HTR1F: variants seen among roughly 807,000 people sequenced by gnomAD.
HTR1F encodes 5-hydroxytryptamine receptor 1F.
In HTR1F, 17 loss-of-function variants were observed where a neutral mutation model predicts 24.0. The ratio of observed to expected loss-of-function variants is 0.71; its 90% confidence interval spans 0.48 to 1.06. The LOEUF (loss-of-function observed/expected upper bound fraction) is 1.06. HTR1F is among the 50% of genes least tolerant of loss of function. HTR1F has a pLI of 0.00. For synonymous variants in HTR1F, 186 were observed against 156.8 expected (o/e 1.19, Z -1.39); for missense variants, 391 against 427.8 (o/e 0.91, Z 0.76).
intron 2 of HTR1F, among the ~76,000 whole-genome samples, chr3:87,871,940 C>A (rs1705567484): frequency 6.6e-6 from 1 of 152,018 alleles, no homozygotes; most frequent in Admixed American, 6.6e-5. Context: ...ATATTCTACC[C>A]AACAACAGTG....
intron 2 of HTR1F, among the ~76,000 whole-genome samples, chr3:87,931,003 A>C (rs1704250454): frequency 6.7e-6 from 1 of 149,040 alleles, no homozygotes; most frequent in African/African-American, 2.5e-5. Flanking sequence ...TTTCAACAAC[A>C]GCATACTGTG....
intron 2 of HTR1F, among the ~76,000 whole-genome samples, chr3:87,855,446 A>G (rs956285342): frequency 6.6e-6 from 1 of 152,112 alleles, no homozygotes; most frequent in Non-Finnish European, 1.5e-5. Context: ...TCTCCAAAAC[A>G]GAGGGTGAAA....
intron 2 of HTR1F, among the ~76,000 whole-genome samples, chr3:87,974,430 T>G (rs751069689): frequency 6.6e-6 from 1 of 152,202 alleles, no homozygotes; most frequent in Non-Finnish European, 1.5e-5. Flanking sequence ...GTTATTAAAT[T>G]TACTGCTTGT....
At chr3:87,798,340 C>T (rs540288821) in intron 1 of HTR1F, among the ~76,000 whole-genome samples, 72 of 152,210 alleles carry the variant, frequency 4.7e-4, no homozygotes, top group African/African-American at 1.6e-3. Context: ...TCAAGCTGAC[C>T]ACCCTCTCTG....
chr3:87,953,948 T>C (rs979897013), intron 2 of HTR1F, among the ~76,000 whole-genome samples: 2 of 151,766 alleles, frequency 1.3e-5, no homozygotes, highest in African/African-American at 4.8e-5. Flanking sequence ...AAGACAAATG[T>C]CAATGTTCTA....
intron 2 of HTR1F, among the ~76,000 whole-genome samples, chr3:87,851,007 A>T (rs539803818): frequency 6.6e-6 from 1 of 151,846 alleles, no homozygotes; most frequent in East Asian, 1.9e-4. Context: ...TTTTATAATA[A>T]GAGTAACAAG....
chr3:87,967,335 C>G (rs1024949068), intron 2 of HTR1F, among the ~76,000 whole-genome samples: 2 of 151,790 alleles, frequency 1.3e-5, no homozygotes, highest in Non-Finnish European at 2.9e-5. Context: ...CTGTAATCCC[C>G]GCTACTCAGG....
intron 2 of HTR1F, among the ~76,000 whole-genome samples, chr3:87,841,682 C>T (rs1704806785): frequency 6.6e-6 from 1 of 151,510 alleles, no homozygotes; most frequent in Admixed American, 6.6e-5. Context: ...GGCAGATCAC[C>T]TGGGGTCAAG....
At chr3:87,930,342 G>A (rs372957551) in intron 2 of HTR1F, among the ~76,000 whole-genome samples, 2 of 152,170 alleles carry the variant, frequency 1.3e-5, no homozygotes, top group Admixed American at 1.3e-4. Flanking sequence ...TGGTGAGAGA[G>A]GGCATCCTTG....
Position 87,833,295 on chromosome 3 carries a change from T to G in HTR1F, c.-43+11171T>G, listed in dbSNP as rs192492650. On this transcript the variant is annotated intron_variant, in intron 2 of 2. Transcript: ENST00000319595. ...ACTGGAACTAGGGAAATATAAAAAT[T>G]AAAAACCTTAACTATTTTTCTTTTA... Among the ~76,000 whole-genome samples the G allele has an allele frequency of 2.9e-3, 434 of 152,262 alleles. 3 individuals carry two copies. The highest frequency in any genetic ancestry group is 0.01 in the African/African-American group (419 of 41,570).
chr3:87,973,731 G>A (rs1705335709), intron 2 of HTR1F, among the ~76,000 whole-genome samples: 1 of 152,162 alleles, frequency 6.6e-6, no homozygotes, highest in Non-Finnish European at 1.5e-5. Context: ...GGATTCACTT[G>A]CCTTTGGACA....
At chr3:87,893,312 T>G (rs1186216554) in intron 2 of HTR1F, among the ~76,000 whole-genome samples, 1 of 152,240 alleles carries the variant, frequency 6.6e-6, no homozygotes, top group Non-Finnish European at 1.5e-5. Flanking sequence ...TTCTAGTACA[T>G]GTATGAGTCT....
chr3:87,991,913 C>T lies in HTR1F; in HGVS notation c.*63C>T. The T allele has an allele frequency of 7.4e-7, 1 of 1,355,432 alleles. No homozygotes were observed. Among genetic ancestry groups the T allele is most frequent in the Non-Finnish European group, 1.0e-6 (1 of 1,000,086 alleles). The allele number at this position is 1,355,432 out of a possible 1,614,324, so 84.0% of individuals were successfully genotyped here. ...GAGGGGAGGAATAACTAGATGAATG[C>T]CAAATAATAAAACACTTAAGCTTTT... On this transcript the variant is annotated 3_prime_UTR_variant, in exon 3 of 3. Transcript: ENST00000319595.
At chr3:87,921,906 G>T (rs1704020347) in intron 2 of HTR1F, among the ~76,000 whole-genome samples, 1 of 151,516 alleles carries the variant, frequency 6.6e-6, no homozygotes, top group African/African-American at 2.4e-5. Flanking sequence ...ACTTTTTAAT[G>T]AATTTTATTT....
chr3:87,943,413 T>C (rs1273786677), intron 2 of HTR1F, among the ~76,000 whole-genome samples: 1 of 152,220 alleles, frequency 6.6e-6, no homozygotes, highest in East Asian at 1.9e-4. Context: ...TAATTTGCTT[T>C]AAGTTCGAGA....
At chr3:87,908,180 C>G (rs1301615399) in intron 2 of HTR1F, among the ~76,000 whole-genome samples, 2 of 151,812 alleles carry the variant, frequency 1.3e-5, no homozygotes, top group African/African-American at 4.8e-5. Flanking sequence ...TGAAATGTTG[C>G]CTTATATTAC....
At position 87,980,775 on chromosome 3, in the gene HTR1F, C is replaced by T. The variant is rs552620925; in HGVS notation, c.-42-9933C>T. Among the ~76,000 whole-genome samples, 8 of 152,288 alleles carry T rather than the reference C, an allele frequency of 5.3e-5. No homozygotes were observed. In the East Asian group the frequency reaches 1.2e-3, roughly 22 times the overall value. Reference sequence around the variant, plus strand: ...GCCCAAAGTCCAGAGGATGCCAAGGCGGCAGGGGGCTGTCATATCATCACT... The same window carrying T: ...GCCCAAAGTCCAGAGGATGCCAAGGTGGCAGGGGGCTGTCATATCATCACT... On this transcript the variant is annotated intron_variant, in intron 2 of 2. Transcript: ENST00000319595.
intron 2 of HTR1F, among the ~76,000 whole-genome samples, chr3:87,967,346 A>C (rs1194648286): frequency 6.6e-6 from 1 of 152,096 alleles, no homozygotes; most frequent in East Asian, 1.9e-4. Flanking sequence ...GCTACTCAGG[A>C]GGCTGAGGCA....
chr3:87,866,095 G>A (rs2107241056), intron 2 of HTR1F, among the ~76,000 whole-genome samples: 1 of 152,156 alleles, frequency 6.6e-6, no homozygotes, highest in South Asian at 2.1e-4. Context: ...CTAAAAGAAG[G>A]ACCAGTGAGA....
Sources: allele counts gnomAD v4.1 joint callset (sites outside exome capture counted in the v4.1 genomes callset), GRCh38; gene constraint gnomAD v4.1.1; transcripts MANE v1.5; gene names NCBI Gene and HGNC (gene_info 2026-07-23, HGNC 2026-07-21).